Variants in KIFAP3 observed in about 807,000 individuals in gnomAD.
KIFAP3 encodes kinesin-associated protein 3.
In KIFAP3, 68 loss-of-function variants were observed where a neutral mutation model predicts 106.5. The observed-to-expected ratio is 0.64, with a 90% CI of 0.53 to 0.78. KIFAP3 has a LOEUF of 0.78. KIFAP3 is among the 30% of genes least tolerant of loss of function. The pLI is 0.00. For synonymous variants in KIFAP3, 320 were observed against 311.5 expected, an observed-to-expected ratio of 1.03 and a Z score of -0.29; for missense variants, 780 against 941.8, an observed-to-expected ratio of 0.83 and a Z score of 2.25.
chr1:169,953,853 A>T (rs929657955), intron 19 of KIFAP3, among the ~76,000 whole-genome samples, 158 bp downstream of exon 19: 3 of 152,196 alleles, frequency 2.0e-5, no homozygotes, highest in South Asian at 2.1e-4. Context: ...ATGTGACTTC[A>T]TAAGTTAATT....
chr1:169,968,130 C>T (rs1471523621), intron 17 of KIFAP3, among the ~76,000 whole-genome samples: 2 of 151,736 alleles, frequency 1.3e-5, no homozygotes, highest in Non-Finnish European at 2.9e-5. Context: ...TTTTTTATTT[C>T]CTTCTCTTCT....
chr1:170,030,938 T>C (rs568678649), intron 8 of KIFAP3, among the ~76,000 whole-genome samples: 1 of 151,928 alleles, frequency 6.6e-6, no homozygotes, highest in East Asian at 1.9e-4. Flanking sequence ...TTTAAAACTA[T>C]ACAGTTTATT....
intron 18 of KIFAP3, among the ~76,000 whole-genome samples, chr1:169,955,230 A>G (rs1464361142): frequency 1.3e-5 from 2 of 152,178 alleles, no homozygotes; most frequent in African/African-American, 4.8e-5. Context: ...CAATCACCAA[A>G]TGATTATTTT....
intron 8 of KIFAP3, 118 bp from the exon 9 acceptor site, chr1:170,024,714 G>T: frequency 1.8e-6 from 1 of 549,186 alleles, no homozygotes. Context: ...ATATTATTTT[G>T]AAAATTTTAA....
intron 10 of KIFAP3, among the ~76,000 whole-genome samples, chr1:170,004,616 C>T (rs1667847452): frequency 6.6e-6 from 1 of 152,092 alleles, no homozygotes; most frequent in African/African-American, 2.4e-5. Flanking sequence ...AAAGGATTCC[C>T]TATTTAATAA....
chr1:170,036,970 A>T (rs1280757626), intron 5 of KIFAP3, among the ~76,000 whole-genome samples: 1 of 152,226 alleles, frequency 6.6e-6, no homozygotes, highest in Non-Finnish European at 1.5e-5. Flanking sequence ...TGATGAAGTA[A>T]TCTCAAAATA....
chr1:170,025,923 C>A (rs1478359498), intron 8 of KIFAP3, among the ~76,000 whole-genome samples: 1 of 152,110 alleles, frequency 6.6e-6, no homozygotes, highest in African/African-American at 2.4e-5. Flanking sequence ...TCAGGATGTG[C>A]CTTATTTGGA....
In KIFAP3 at chr1:170,034,469, A is replaced by G. The variant is rs1272460987; in HGVS notation, c.645T>C (p.Thr215=). ...SSFSQFHGLI[T]HYKIGALCMN... ...TACACAGAGCTCCAATTTTATAGTG[A>G]GTAATAAGTCCATGAAATTGAGAAA... is the stretch of plus-strand genomic sequence containing the variant. The change falls in exon 7 of 20, where the codon ACT becomes ACC. Residue 215 remains threonine (T), a synonymous_variant. Coordinates refer to ENST00000361580, the MANE Select transcript of KIFAP3 (RefSeq NM_014970.4). 4 of 1,508,942 alleles carry G rather than the reference A, an allele frequency of 2.7e-6. No homozygotes were observed. In the African/African-American group the frequency reaches 5.6e-5, roughly 21 times the overall value. The allele number at this position is 1,508,942 out of a possible 1,614,324, so 93.5% of individuals were successfully genotyped here. A position where few individuals can be genotyped will look rare whatever the true frequency, so the allele number is the denominator to read the frequency against.
intron 19 of KIFAP3, among the ~76,000 whole-genome samples, chr1:169,925,929 T>A (rs1000640759): frequency 6.6e-6 from 1 of 152,202 alleles, no homozygotes; most frequent in African/African-American, 2.4e-5. Flanking sequence ...TTCTTTTAAA[T>A]TCCTAGGTCA....
intron 19 of KIFAP3, among the ~76,000 whole-genome samples, chr1:169,926,554 C>T (rs1663141368): frequency 6.6e-6 from 1 of 151,910 alleles, no homozygotes; most frequent in Non-Finnish European, 1.5e-5. Flanking sequence ...CTAATATTGA[C>T]TGCTTATAAT....
chr1:169,941,991 T>C (rs1664144904), intron 19 of KIFAP3, among the ~76,000 whole-genome samples: 1 of 151,956 alleles, frequency 6.6e-6, no homozygotes, highest in Non-Finnish European at 1.5e-5. Context: ...GTATTTCCTT[T>C]ATGTTTGTAA....
At chr1:169,937,699 A>C (rs968522205) in intron 19 of KIFAP3, among the ~76,000 whole-genome samples, 1 of 151,846 alleles carries the variant, frequency 6.6e-6, no homozygotes, top group Non-Finnish European at 1.5e-5. Flanking sequence ...AGATCCTCCA[A>C]AGATACAACC....
chr1:170,065,562 C>A (rs2102159038), intron 1 of KIFAP3, among the ~76,000 whole-genome samples: 1 of 135,662 alleles, frequency 7.4e-6, no homozygotes, highest in African/African-American at 2.7e-5. Flanking sequence ...TGCAGTGAGC[C>A]AAGATCATGC....
intron 10 of KIFAP3, among the ~76,000 whole-genome samples, chr1:170,006,118 C>T (rs1382705559): frequency 1.3e-5 from 2 of 152,162 alleles, no homozygotes; most frequent in African/African-American, 4.8e-5. Context: ...TATCCCCTAA[C>T]TTTCTAAATA....
chr1:170,054,567 C>A (rs1039329759), intron 2 of KIFAP3, among the ~76,000 whole-genome samples: 1 of 152,104 alleles, frequency 6.6e-6, no homozygotes, highest in African/African-American at 2.4e-5. Flanking sequence ...CCCAAATGCC[C>A]ATCAGTGATA....
At chr1:169,973,105 G>GTGTGTATATATATATATATATATATA (rs145406203) in intron 16 of KIFAP3, among the ~76,000 whole-genome samples, 6 of 90,306 alleles carry the variant, frequency 6.6e-5, no homozygotes, top group African/African-American at 2.3e-4. Flanking sequence ...AAAATAGTGT[G>GTGTGTATATATATATATATATATATA]TATATATATA....
rs186751875 is a variant in KIFAP3 at position 169,985,689 on chromosome 1, T to C, written c.1285-999A>G. On this transcript the variant is annotated intron_variant, in intron 11 of 19. Transcript: ENST00000361580. ...GGACTAGAGGTATAATTTTAGGAAC[T>C]GGCATATATGGTTGAAAACTGAAGC... Among the ~76,000 whole-genome samples, 358 of 151,988 alleles carry C rather than the reference T, an allele frequency of 2.4e-3. 1 individual carries two copies. The highest frequency in any genetic ancestry group is 8.4e-3 in the African/African-American group (347 of 41,518).
chr1:169,941,699 C>T (rs1319011816), intron 19 of KIFAP3, among the ~76,000 whole-genome samples: 1 of 151,774 alleles, frequency 6.6e-6, no homozygotes, highest in Non-Finnish European at 1.5e-5. Context: ...CAAGATGGCC[C>T]CCTGAGGGTG....
chr1:170,007,649 G>A (rs190049804), intron 10 of KIFAP3, among the ~76,000 whole-genome samples: 18 of 152,128 alleles, frequency 1.2e-4, no homozygotes, highest in African/African-American at 3.4e-4. Context: ...AACATTCCAC[G>A]CTCATGGATA....
Sources: gnomAD v4.1 joint callset for allele counts (sites outside exome capture counted in the v4.1 genomes callset) on GRCh38, gnomAD v4.1.1 for gene constraint, MANE v1.5 for transcripts, NCBI Gene and HGNC (gene_info 2026-07-23, HGNC 2026-07-21) for gene names.